Variants in STAMBP observed in about 807,000 individuals in gnomAD.
The protein encoded by STAMBP is STAM binding protein, also known as STAM-binding protein.
In STAMBP, 31 loss-of-function variants were observed where a neutral mutation model predicts 50.7. The observed-to-expected ratio is 0.61, with a 90% CI of 0.46 to 0.83. The LOEUF (loss-of-function observed/expected upper bound fraction) is 0.83, where lower values mean the gene tolerates loss of function less well. Among genes scored for constraint, STAMBP ranks in the 40% least tolerant of loss-of-function variants. STAMBP has a pLI of 0.00. For missense variants in STAMBP, 472 were observed against 518.9 expected (o/e 0.91, Z 0.88); for synonymous variants, 211 against 192.4 (o/e 1.10, Z -0.80).
At chr2:73,851,637 ATTT>A (rs61483994) in intron 7 of STAMBP, among the ~76,000 whole-genome samples, 5 of 135,674 alleles carry the variant, frequency 3.7e-5, no homozygotes, top group Admixed American at 7.4e-5. Flanking sequence ...ACAGTGGTAG[ATTT>A]TTTTTTTTTT....
At chr2:73,844,040 G>A (rs1317841304) in intron 2 of STAMBP, among the ~76,000 whole-genome samples, 1 of 152,176 alleles carries the variant, frequency 6.6e-6, no homozygotes, top group Non-Finnish European at 1.5e-5. Flanking sequence ...TTCTGAATCT[G>A]CCACTTTCTT....
chr2:73,835,219 T>C (rs1016146213), intron 2 of STAMBP, among the ~76,000 whole-genome samples: 13 of 151,940 alleles, frequency 8.6e-5, no homozygotes, highest in African/African-American at 3.1e-4. Flanking sequence ...CCGGGCGTGG[T>C]GGCCCACGTC....
chr2:73,865,641 C>T lies in STAMBP; in HGVS notation c.*3382C>T, dbSNP rs1210043739. On this transcript the variant is annotated 3_prime_UTR_variant, in exon 10 of 10. Coordinates refer to ENST00000394070, the MANE Select transcript of STAMBP (RefSeq NM_213622.4). ...TTCTTTAAAATCTGTAAAATGGGAT[C>T]AGTCTAATATGCCTACCTCAAATGA... The T allele has an allele frequency of 3.3e-5, 5 of 152,338 alleles. No homozygotes were observed. In the East Asian group the frequency reaches 9.6e-4, roughly 29 times the overall value. 9.4% of individuals were successfully genotyped at this position (152,338 alleles called of 1,614,324 possible).
intron 9 of STAMBP, 72 bp downstream of exon 9, chr2:73,860,223 T>A: frequency 7.8e-7 from 1 of 1,287,692 alleles, no homozygotes; most frequent in South Asian, 1.2e-5. Flanking sequence ...ATGAAATGCA[T>A]CATCCTTTCT....
At chr2:73,860,215 G>T in intron 9 of STAMBP, 64 bp downstream of exon 9, 2 of 1,351,862 alleles carry the variant, frequency 1.5e-6, no homozygotes, top group Non-Finnish European at 2.1e-6. Context: ...CAGAGCTGAT[G>T]AAATGCATCA....
chr2:73,829,232 T>G lies in STAMBP; in HGVS notation c.-291T>G, dbSNP rs1335909912. 1 of 152,288 alleles carries G rather than the reference T, an allele frequency of 6.6e-6. No homozygotes were observed. The highest frequency in any genetic ancestry group is 2.4e-5 in the African/African-American group (1 of 41,460). The allele number at this position is 152,288 out of a possible 1,614,324, so 9.4% of individuals were successfully genotyped here. ...AAAGATCCCGAAAACCCTGGATGAT[T>G]GTGCCTGGGGTTGGCAAGTTCGTCT... is the stretch of plus-strand genomic sequence containing the variant. On this transcript the variant is annotated 5_prime_UTR_variant, in exon 1 of 10. The change creates a new upstream start codon in the 5' untranslated region. Coordinates refer to ENST00000394070, the MANE Select transcript of STAMBP (RefSeq NM_213622.4).
At position 73,850,264 on chromosome 2, in the gene STAMBP, G is replaced by C. The variant is rs1032306311; in HGVS notation, c.868-112G>C. 1 of 1,389,956 alleles carries C rather than the reference G, an allele frequency of 7.2e-7. No homozygotes were observed. The highest frequency in any genetic ancestry group is 1.5e-5 in the African/African-American group (1 of 68,078). 86.1% of individuals were successfully genotyped at this position (1,389,956 alleles called of 1,614,324 possible). A position where few individuals can be genotyped will look rare whatever the true frequency, so the allele number is the denominator to read the frequency against. ...CACTGAGTGGCAGGACTCCTGCTGT[G>C]TGGGAAGGGCTTTCACTTGTATAGA... On this transcript the variant is annotated intron_variant, in intron 6 of 9. Transcript: ENST00000394070. This position sits in a 1 kb window ranked among gnomAD's most constrained non-coding sequence, Gnocchi z 4.3.
intron 2 of STAMBP, among the ~76,000 whole-genome samples, chr2:73,834,204 T>C (rs1216744666): frequency 1.4e-5 from 1 of 70,610 alleles, no homozygotes; most frequent in Non-Finnish European, 2.5e-5. Flanking sequence ...AGCAAGATCA[T>C]GTCTTAAAAA....
intron 10 of STAMBP, chr2:73,873,314 C>A (rs531556514): frequency 6.6e-6 from 1 of 152,212 alleles, no homozygotes; most frequent in Non-Finnish European, 1.5e-5. Flanking sequence ...ATATGAGGCG[C>A]TTAACTTTTA....
rs886845038 is a variant in STAMBP, at chr2:73,865,507, G to A, written c.*3248G>A. On this transcript the variant is annotated 3_prime_UTR_variant, in exon 10 of 10. Transcript: ENST00000394070. ...GGCACTGGAAATCCTGTTTAGATCA[G>A]GACTATTGGAATATTATCCTCTCCA... is the stretch of plus-strand genomic sequence containing the variant. 1 of 152,144 alleles carries A rather than the reference G, an allele frequency of 6.6e-6. No homozygotes were observed. The highest frequency in any genetic ancestry group is 1.5e-5 in the Non-Finnish European group (1 of 68,030). The allele number at this position is 152,144 out of a possible 1,614,324, so 9.4% of individuals were successfully genotyped here.
At chr2:73,838,547 A>G (rs991371196) in intron 2 of STAMBP, among the ~76,000 whole-genome samples, 1 of 152,232 alleles carries the variant, frequency 6.6e-6, no homozygotes, top group Non-Finnish European at 1.5e-5. Context: ...CTAACAGTCC[A>G]GAAGAGAGCT....
chr2:73,842,302 CG>C (rs1675501216), intron 2 of STAMBP, among the ~76,000 whole-genome samples: 3 of 152,154 alleles, frequency 2.0e-5, no homozygotes, highest in African/African-American at 7.2e-5. Flanking sequence ...GGGTTTTCTC[CG>C]GGTATTCAAG....
chr2:73,854,862 G>T (rs780936596), intron 7 of STAMBP, among the ~76,000 whole-genome samples: 1 of 152,010 alleles, frequency 6.6e-6, no homozygotes, highest in South Asian at 2.1e-4. Context: ...GGTGGCACAC[G>T]CCTGTGGTCC....
At position 73,847,728 on chromosome 2, in the gene STAMBP, T is replaced by C; in HGVS notation, c.717T>C (p.Pro239=). The change falls in exon 5 of 10, where the codon CCT becomes CCC. Residue 239 remains proline, a synonymous_variant. Transcript: ENST00000394070. The part of the protein sequence containing the change: ...KPPVVDRSLK[P]GALSNSESIP... ...CTGTGGTGGACAGGTCCTTGAAACC[T>C]GGAGCACTGAGCAACTCAGAAAGTA... 1 of 1,613,848 alleles carries C rather than the reference T, an allele frequency of 6.2e-7. No homozygotes were observed. The highest frequency in any genetic ancestry group is 8.5e-7 in the Non-Finnish European group (1 of 1,179,902).
chr2:73,832,505 C>A (rs566690267), intron 2 of STAMBP, among the ~76,000 whole-genome samples: 1 of 151,826 alleles, frequency 6.6e-6, no homozygotes. Flanking sequence ...CTTTTCCCCC[C>A]AAACCCTCAG....
chr2:73,860,502 A>C (rs1350533582), intron 9 of STAMBP: 1 of 974,914 alleles, frequency 1.0e-6, no homozygotes, highest in East Asian at 1.0e-4. Context: ...ATTAAATGTT[A>C]CTTTTTCCTT....
chr2:73,869,571 AAAG>A (rs761827055), downstream of STAMBP, among the ~76,000 whole-genome samples: 83 of 152,178 alleles, frequency 5.5e-4, no homozygotes, highest in Non-Finnish European at 7.2e-4. Context: ...TGAAAGAAAA[AAAG>A]AATTTTGGGG....
At chr2:73,847,014 C>G (rs528802995) in intron 4 of STAMBP, among the ~76,000 whole-genome samples, 1 of 144,642 alleles carries the variant, frequency 6.9e-6, no homozygotes, top group South Asian at 2.2e-4. Flanking sequence ...CCTGGGAGGT[C>G]AAGGCTGCAG....
At position 73,847,746 on chromosome 2, in the gene STAMBP, A is replaced by G. The variant is rs751496441; in HGVS notation, c.735A>G (p.Ser245=). ...TGAAACCTGGAGCACTGAGCAACTC[A>G]GAAAGTAGTAAGTGCATTTGCTGAT... The part of the protein sequence containing the change: ...RSLKPGALSN[S]ESIPTIDGLR... Residue 245 remains serine (S), a synonymous_variant, in exon 5 of 10, where the codon TCA becomes TCG. Transcript: ENST00000394070. 53 of 1,612,620 alleles carry G rather than the reference A, an allele frequency of 3.3e-5. No individual in the cohort carries two copies. Among genetic ancestry groups the G allele is most frequent in the Non-Finnish European group, 4.4e-5 (52 of 1,179,536 alleles).
Sources: allele counts gnomAD v4.1 joint callset (sites outside exome capture counted in the v4.1 genomes callset), GRCh38; gene constraint gnomAD v4.1.1; non-coding constraint Gnocchi (gnomAD v3.1); transcripts MANE v1.5; gene names NCBI Gene and HGNC (gene_info 2026-07-23, HGNC 2026-07-21).